Variants in CD99 observed in about 807,000 individuals in gnomAD.
CD99 encodes the protein CD99 antigen.
Under a neutral mutation model 28.4 loss-of-function variants are expected in CD99, and 19 were observed. The observed-to-expected ratio is 0.67, with a 90% CI of 0.47 to 0.98. The LOEUF is 0.98. Ranked by LOEUF, CD99 falls within the 50% of genes least tolerant of loss-of-function variation. CD99 has a pLI of 0.00. For synonymous variants in CD99, 103 were observed against 92.1 expected (o/e 1.12, Z -0.67); for missense variants, 283 against 248.8 (o/e 1.14, Z -0.92).
chrX:2,701,751 G>GGGGAC (rs1569427373), intron 1 of CD99, among the ~76,000 whole-genome samples: 1 of 152,240 alleles, frequency 6.6e-6, no homozygotes, highest in Admixed American at 6.5e-5. Context: ...ACAGCTGTGC[G>GGGGAC]GGGACGCTTA....
At chrX:2,693,040 C>T (rs961504049) in intron 1 of CD99, among the ~76,000 whole-genome samples, 1 of 152,112 alleles carries the variant, frequency 6.6e-6, no homozygotes, top group African/African-American at 2.4e-5. Flanking sequence ...ACAGATTTGC[C>T]GGCTGGTCTG....
At chrX:2,714,201 A>G (rs1011102343) in intron 1 of CD99, among the ~76,000 whole-genome samples, 1 of 152,188 alleles carries the variant, frequency 6.6e-6, no homozygotes, top group African/African-American at 2.4e-5. Context: ...ACTAAGCTTG[A>G]AGGTCATCAT....
intron 8 of CD99, among the ~76,000 whole-genome samples, chrX:2,729,770 T>C (rs1283292240): frequency 1.3e-5 from 2 of 152,172 alleles, no homozygotes; most frequent in African/African-American, 4.8e-5. Context: ...GGTGGAAGCA[T>C]TATCTTTTTT....
At position 2,714,434 on chromosome X, in the gene CD99, A is replaced by G. The variant is rs764065389; in HGVS notation, c.80A>G (p.Asp27Gly). The G allele has an allele frequency of 1.2e-6, 2 of 1,601,594 alleles. No individual in the cohort carries two copies. The highest frequency in any genetic ancestry group is 1.1e-5 in the South Asian group (1 of 90,098). Residue 27 changes from aspartate to glycine, a missense_variant, in exon 2 of 10, where the codon GAT (aspartate) becomes GGT (glycine). By Grantham distance (94) the Asp-to-Gly change is moderately conservative. Transcript: ENST00000381192. ...TTTTCTCTCTTAGATGGTGGTTTCG[A>G]TTTATCCGATGCCCTTCCTGGTGAG... Reference protein sequence around the residue: ...VLVAAPDGGFDLSDALPDNEN... With the variant: ...VLVAAPDGGFGLSDALPDNEN...
At chrX:2,697,142 C>T (rs5939301) in intron 1 of CD99, among the ~76,000 whole-genome samples, 4,239 of 152,102 alleles carry the variant, frequency 0.028, 69 homozygotes, top group South Asian at 0.038. Flanking sequence ...GCTTTTGTTC[C>T]GCTCCCTCTG....
At position 2,692,091 on chromosome X, in the gene CD99, A is replaced by C. The variant is rs184299165; in HGVS notation, c.67+664A>C. The stretch of plus-strand genomic sequence containing the variant: ...CGGTGGAGAATTCGGAAAACAGAAA[A>C]AGTGGGCAGGGAAGAAAGAGCCACG... On this transcript the variant is annotated intron_variant, in intron 1 of 9. Coordinates refer to ENST00000381192, the MANE Select transcript of CD99 (RefSeq NM_002414.5). 3.5e-3 allele frequency: 2,115 copies of C among 602,572 alleles called. 10 individuals carry two copies. The highest frequency in any genetic ancestry group is 5.5e-3 in the Non-Finnish European group (1,869 of 337,554). 37.3% of individuals were successfully genotyped at this position (602,572 alleles called of 1,614,324 possible).
rs2049294212 is a variant in CD99, at chrX:2,726,531, G to GCTTTGATTTCAGGGCTGTTCTGC, written c.475+162_475+184dup. The GCTTTGATTTCAGGGCTGTTCTGC allele has an allele frequency of 1.1e-5, 8 of 699,240 alleles. No homozygotes were observed. The South Asian group carries it at 1.2e-4, about 10-fold the overall frequency. The allele number at this position is 699,240 out of a possible 1,614,324, so 43.3% of individuals were successfully genotyped here. ...TAAAATTCTGGAATCGAACCTTCTG[G>GCTTTGATTTCAGGGCTGTTCTGC]CTTTGATTTCAGGGCTGTTCTGCCT... On this transcript the variant is annotated intron_variant, in intron 8 of 9. Coordinates refer to ENST00000381192, the MANE Select transcript of CD99 (RefSeq NM_002414.5).
chrX:2,705,127 G>A (rs185996505), intron 1 of CD99, among the ~76,000 whole-genome samples: 28 of 152,328 alleles, frequency 1.8e-4, no homozygotes, highest in Admixed American at 9.8e-4. Flanking sequence ...TCCAGGGCCC[G>A]GCGGCCACTA....
Position 2,703,208 on chromosome X carries a change from T to C in CD99, c.68-11214T>C, listed in dbSNP as rs368462575. 1.8e-4 allele frequency among the ~76,000 whole-genome samples: 28 copies of C among 152,258 alleles called. 2 individuals carry two copies. The highest frequency in any genetic ancestry group is 1.2e-3 in the Admixed American group (19 of 15,300). On this transcript the variant is annotated intron_variant, in intron 1 of 9. Transcript: ENST00000381192. The stretch of plus-strand genomic sequence containing the variant: ...TTTGCAAGGTCTATTTGGTGTCCCG[T>C]GTTTTGTGTTTTCGTGCTTTTTGTC...
chrX:2,718,227 G>A (rs2048829632), intron 3 of CD99, among the ~76,000 whole-genome samples: 2 of 146,372 alleles, frequency 1.4e-5, no homozygotes, highest in Non-Finnish European at 3.1e-5. Flanking sequence ...CACCATGCAC[G>A]GCCTGTGTCT....
rs1250512645 is a variant in CD99, at chrX:2,719,653, T to G, written c.149-8T>G. 1.2e-6 allele frequency: 2 copies of G among 1,613,810 alleles called. No individual in the cohort carries two copies. The highest frequency in any genetic ancestry group is 2.2e-5 in the East Asian group (1 of 44,886). ...ATTTGGTATTAACTGCTCTTTCCCC[T>G]CTTTTAGGGGATGACTTTGACTTAG... On this transcript the variant is annotated splice_region_variant and splice_polypyrimidine_tract_variant and intron_variant, in intron 3 of 9. Transcript: ENST00000381192.
chrX:2,741,230 A>G lies in CD99; in HGVS notation c.*426A>G, dbSNP rs975259147. 3.4e-5 allele frequency: 6 copies of G among 177,820 alleles called. No individual in the cohort carries two copies. The highest frequency in any genetic ancestry group is 1.4e-4 in the African/African-American group (6 of 42,494). 11.0% of individuals were successfully genotyped at this position (177,820 alleles called of 1,614,324 possible). A position where few individuals can be genotyped will look rare whatever the true frequency, so the allele number is the denominator to read the frequency against. The stretch of plus-strand genomic sequence containing the variant: ...TAATTAAAATAAGGTAAGCCCTTCA[A>G]TTTGTTTCTTCAATATTTCTTTCAT... On this transcript the variant is annotated 3_prime_UTR_variant, in exon 10 of 10. Transcript: ENST00000381192.
intron 1 of CD99, among the ~76,000 whole-genome samples, chrX:2,708,148 C>G (rs1208527469): frequency 2.0e-5 from 3 of 152,084 alleles, no homozygotes; most frequent in Non-Finnish European, 4.4e-5. Flanking sequence ...GGGACTGCCT[C>G]CCTCACACAC....
intron 5 of CD99, among the ~76,000 whole-genome samples, chrX:2,722,166 G>T (rs1045023741): frequency 1.3e-5 from 2 of 151,274 alleles, no homozygotes; most frequent in Admixed American, 1.3e-4. Flanking sequence ...ATTGGCCGTG[G>T]ATACTTCTTA....
chrX:2,722,956 C>T (rs1479917917), intron 6 of CD99, among the ~76,000 whole-genome samples: 3 of 152,232 alleles, frequency 2.0e-5, no homozygotes, highest in African/African-American at 7.2e-5. Flanking sequence ...GTCACCACCT[C>T]CTCACCCATC....
intron 1 of CD99, among the ~76,000 whole-genome samples, chrX:2,697,329 G>T (rs2047624417): frequency 6.6e-6 from 1 of 152,166 alleles, no homozygotes; most frequent in Non-Finnish European, 1.5e-5. Context: ...CTGATTTTCT[G>T]CATCTTTTCG....
At chrX:2,716,130 T>C (rs190437453) in intron 2 of CD99, among the ~76,000 whole-genome samples, 14 of 151,854 alleles carry the variant, frequency 9.2e-5, no homozygotes, top group Admixed American at 8.5e-4. Context: ...GTGATTCTCC[T>C]GCCTCTGCCT....
At chrX:2,715,698 T>G (rs1172631329) in intron 2 of CD99, 1 of 150,362 alleles carries the variant, frequency 6.7e-6, no homozygotes, top group Non-Finnish European at 1.5e-5. Flanking sequence ...TGCAGTTATA[T>G]CCAGTTCTTT....
At chrX:2,725,778 T>C (rs1057047543) in intron 7 of CD99, among the ~76,000 whole-genome samples, 1 of 152,148 alleles carries the variant, frequency 6.6e-6, no homozygotes, top group African/African-American at 2.4e-5. Flanking sequence ...TACTCCCGGC[T>C]AATTTTTGTA....
Sources: gnomAD v4.1 joint callset for allele counts (sites outside exome capture counted in the v4.1 genomes callset) on GRCh38, gnomAD v4.1.1 for gene constraint, MANE v1.5 for transcripts, NCBI Gene and HGNC (gene_info 2026-07-23, HGNC 2026-07-21) for gene names.